The following PCCA variants were observed in gnomAD, a reference collection of about 807,000 sequenced individuals.
PCCA encodes propionyl-CoA carboxylase subunit alpha.
In PCCA, 74 loss-of-function variants were observed where a neutral mutation model predicts 101.3. The observed-to-expected ratio is 0.73, with a 90% confidence interval of 0.61 to 0.89. The LOEUF is 0.89. Ranked by LOEUF, PCCA falls within the 40% of genes least tolerant of loss-of-function variation. The pLI is 0.00. For missense variants in PCCA, 891 were observed against 907.0 expected, an observed-to-expected ratio of 0.98 and a Z score of 0.23; for synonymous variants, 294 against 313.6, an observed-to-expected ratio of 0.94 and a Z score of 0.66.
chr13:100,465,877 G>A (rs921378973), intron 21 of PCCA, among the ~76,000 whole-genome samples: 2 of 152,186 alleles, frequency 1.3e-5, no homozygotes, highest in East Asian at 1.9e-4. Flanking sequence ...AACTTTACCC[G>A]TCCTGATACT....
intron 7 of PCCA, among the ~76,000 whole-genome samples, chr13:100,224,094 G>T (rs1263361850): frequency 1.3e-5 from 2 of 152,248 alleles, no homozygotes; most frequent in African/African-American, 4.8e-5. Flanking sequence ...GCACCGTGGA[G>T]CAGGGGGCGG....
chr13:100,387,122 A>C (rs1249972551), intron 19 of PCCA, among the ~76,000 whole-genome samples: 3 of 152,212 alleles, frequency 2.0e-5, no homozygotes, highest in Admixed American at 6.5e-5. Context: ...AAACGCAATC[A>C]CTGAAATTCT....
At chr13:100,415,239 C>CAA (rs11308074) in intron 19 of PCCA, among the ~76,000 whole-genome samples, 4 of 123,112 alleles carry the variant, frequency 3.2e-5, no homozygotes, top group Admixed American at 8.4e-5. Context: ...CACACCTCTA[C>CAA]AAAAAAAAAA....
intron 19 of PCCA, among the ~76,000 whole-genome samples, chr13:100,410,817 G>A (rs958654791): frequency 6.6e-6 from 1 of 151,586 alleles, no homozygotes; most frequent in African/African-American, 2.4e-5. Flanking sequence ...GTGTCAAATC[G>A]GTTGACTGTT....
At chr13:100,477,951 G>C (rs1447385432) in intron 21 of PCCA, among the ~76,000 whole-genome samples, 2 of 152,202 alleles carry the variant, frequency 1.3e-5, no homozygotes, top group Non-Finnish European at 2.9e-5. Context: ...CTGTGGCCGC[G>C]GGCAGTACCC....
At chr13:100,530,071 C>T in intron 23 of PCCA, 27 bp from the exon 24 acceptor site, 1 of 1,590,080 alleles carries the variant, frequency 6.3e-7, no homozygotes, top group Non-Finnish European at 8.6e-7. Flanking sequence ...TTACTCTCCC[C>T]TCCCCCTGCA....
chr13:100,501,478 A>C (rs1421136649), intron 21 of PCCA, among the ~76,000 whole-genome samples: 1 of 152,182 alleles, frequency 6.6e-6, no homozygotes, highest in African/African-American at 2.4e-5. Flanking sequence ...CATGAGCTAA[A>C]TTCCCTGGGA....
At chr13:100,507,424 A>G (rs2086165934) in intron 21 of PCCA, among the ~76,000 whole-genome samples, 1 of 152,176 alleles carries the variant, frequency 6.6e-6, no homozygotes, top group African/African-American at 2.4e-5. Flanking sequence ...CTCCTTGGGA[A>G]ACCCACTGAG....
intron 16 of PCCA, among the ~76,000 whole-genome samples, chr13:100,320,000 G>A (rs1057508133): frequency 6.6e-6 from 1 of 152,012 alleles, no homozygotes; most frequent in Non-Finnish European, 1.5e-5. Flanking sequence ...CTTTTATTTT[G>A]TTGAGCAGTG....
At chr13:100,316,526 C>T (rs1367919432) in intron 16 of PCCA, among the ~76,000 whole-genome samples, 3 of 152,142 alleles carry the variant, frequency 2.0e-5, no homozygotes, top group Non-Finnish European at 4.4e-5. Context: ...TCCTGTGAAA[C>T]TGCAAGCATG....
At chr13:100,184,950 A>G (rs750112349) in intron 6 of PCCA, among the ~76,000 whole-genome samples, 3 of 152,190 alleles carry the variant, frequency 2.0e-5, no homozygotes, top group Admixed American at 1.3e-4. Flanking sequence ...ACTGAAATCT[A>G]TCTGTTTAGA....
chr13:100,126,239 GA>G lies in PCCA; in HGVS notation c.300+14182del, dbSNP rs1220124882. On this transcript the variant is annotated intron_variant, in intron 4 of 23. Coordinates refer to ENST00000376285, the MANE Select transcript of PCCA (RefSeq NM_000282.4). ...AGATTTCCTTATATGTATAAAAATA[GA>G]AAATTGTGTCAACTGTGCTGTGATT... Among the ~76,000 whole-genome samples, 6 of 151,980 alleles carry G rather than the reference GA, an allele frequency of 3.9e-5. No homozygotes were observed. The South Asian group carries it at 6.2e-4, about 16-fold the overall frequency.
At chr13:100,425,009 AT>A (rs1371117861) in intron 19 of PCCA, among the ~76,000 whole-genome samples, 3 of 151,874 alleles carry the variant, frequency 2.0e-5, no homozygotes, top group East Asian at 1.9e-4. Context: ...TTTGGAAATT[AT>A]TTTTTTTCTT....
At chr13:100,217,929 A>G (rs1175203137) in intron 7 of PCCA, among the ~76,000 whole-genome samples, 2 of 148,700 alleles carry the variant, frequency 1.3e-5, no homozygotes, top group Middle Eastern at 3.4e-3. Context: ...GAAAAAAATA[A>G]GCTGGGCGTG....
intron 12 of PCCA, among the ~76,000 whole-genome samples, chr13:100,283,959 G>A (rs1027322237): frequency 1.3e-5 from 2 of 152,222 alleles, no homozygotes; most frequent in African/African-American, 4.8e-5. Context: ...CCCCCAACCA[G>A]ATGATCCAAC....
chr13:100,343,532 G>A (rs543014014), intron 18 of PCCA, among the ~76,000 whole-genome samples: 3 of 152,336 alleles, frequency 2.0e-5, no homozygotes, highest in South Asian at 2.1e-4. Flanking sequence ...ACTATGTAAT[G>A]TATGACTTCA....
intron 21 of PCCA, among the ~76,000 whole-genome samples, chr13:100,464,045 C>G (rs1394571032): frequency 6.6e-6 from 1 of 152,180 alleles, no homozygotes; most frequent in Non-Finnish European, 1.5e-5. Context: ...CATATGTCAG[C>G]TTACTTGATT....
intron 21 of PCCA, among the ~76,000 whole-genome samples, chr13:100,489,043 C>T (rs999864164): frequency 1.3e-5 from 2 of 152,126 alleles, no homozygotes; most frequent in East Asian, 1.9e-4. Context: ...CGGTGGCTCA[C>T]GCCTGTAATC....
At chr13:100,167,598 C>G (rs1458635161) in intron 6 of PCCA, among the ~76,000 whole-genome samples, 1 of 152,116 alleles carries the variant, frequency 6.6e-6, no homozygotes, top group Non-Finnish European at 1.5e-5. Context: ...TCTTGCCAAA[C>G]TCAAGGTCAC....
Sources: allele counts gnomAD v4.1 joint callset (sites outside exome capture counted in the v4.1 genomes callset), GRCh38; gene constraint gnomAD v4.1.1; transcripts MANE v1.5; gene names NCBI Gene and HGNC (gene_info 2026-07-23, HGNC 2026-07-21).